GPALPP1: variants seen among roughly 807,000 people sequenced by gnomAD.
GPALPP1 encodes the protein GPALPP motifs containing 1.
A neutral mutation model predicts 38.9 loss-of-function variants in GPALPP1; 30 were observed. The observed-to-expected ratio is 0.77, with a 90% CI of 0.58 to 1.05. GPALPP1 has a LOEUF of 1.05. GPALPP1 is among the 50% of genes least tolerant of loss of function. The pLI is 0.00. For missense variants in GPALPP1, 384 were observed against 408.8 expected (o/e 0.94, Z 0.52); for synonymous variants, 120 against 139.2 (o/e 0.86, Z 0.97).
Position 45,004,380 on chromosome 13 carries a change from C to G in GPALPP1, c.164C>G (p.Ser55Cys), listed in dbSNP as rs1231720927. 6.2e-7 allele frequency: 1 copy of G among 1,607,112 alleles called. No individual in the cohort carries two copies. The highest frequency in any genetic ancestry group is 1.7e-5 in the Admixed American group (1 of 59,990). Reference sequence around the variant, plus strand: ...TCAGACAGCGATGAAGACAGTAGTTCTTTGTACGAAGAAGGAAATCAAGAA... The same window carrying G: ...TCAGACAGCGATGAAGACAGTAGTTGTTTGTACGAAGAAGGAAATCAAGAA... ...DSSDSDEDSSSLYEEGNQESE... is the reference protein window; with the variant it reads ...DSSDSDEDSSCLYEEGNQESE... The change falls in exon 2 of 8, where the codon TCT (serine) becomes TGT (cysteine). Residue 55 changes from serine (S) to cysteine (C), a missense_variant. Ser to Cys is a moderately radical substitution (Grantham distance 112, BLOSUM62 -1). Coordinates refer to ENST00000379151, the MANE Select transcript of GPALPP1 (RefSeq NM_018559.5).
chr13:45,007,265 A>G (rs984281831), intron 3 of GPALPP1, among the ~76,000 whole-genome samples: 1 of 152,212 alleles, frequency 6.6e-6, no homozygotes, highest in African/African-American at 2.4e-5. Flanking sequence ...AAGAAAACAT[A>G]TTACTTAAAT....
chr13:45,001,392 C>T lies in GPALPP1; in HGVS notation c.89-2913C>T, dbSNP rs1009189174. Among the ~76,000 whole-genome samples the T allele has an allele frequency of 1.3e-4, 20 of 152,298 alleles. No individual in the cohort carries two copies. The Middle Eastern group carries it at 0.01, about 78-fold the overall frequency. On this transcript the variant is annotated intron_variant, in intron 1 of 7. Transcript: ENST00000379151. The stretch of plus-strand genomic sequence containing the variant: ...CAGCATGAGAACGGACTTACACACC[C>T]TATACACCCTAGTATGCCCAAGTAC...
At chr13:45,009,735 T>A (rs576395651) in intron 4 of GPALPP1, among the ~76,000 whole-genome samples, 4 of 152,384 alleles carry the variant, frequency 2.6e-5, no homozygotes, top group African/African-American at 9.6e-5. Context: ...GTTAAAATTA[T>A]GAATTTCAGA....
At position 44,989,545 on chromosome 13, in the gene GPALPP1, C is replaced by G; in HGVS notation, c.-110C>G. On this transcript the variant is annotated 5_prime_UTR_variant, in exon 1 of 8. Transcript: ENST00000379151. Reference sequence around the variant, plus strand: ...GCCAACCACAGGCTTTACGTCATTTCTCGGCGCCGGGAAACCTGCCATTCT... The same window carrying G: ...GCCAACCACAGGCTTTACGTCATTTGTCGGCGCCGGGAAACCTGCCATTCT... The G allele has an allele frequency of 6.6e-7, 1 of 1,517,544 alleles. No homozygotes were observed. Among genetic ancestry groups the G allele is most frequent in the South Asian group, 1.2e-5 (1 of 86,636 alleles). 94.0% of individuals were successfully genotyped at this position (1,517,544 alleles called of 1,614,324 possible). A position where few individuals can be genotyped will look rare whatever the true frequency, so the allele number is the denominator to read the frequency against.
chr13:45,015,672 A>G (rs1593398806), intron 6 of GPALPP1, 76 bp downstream of exon 6: 2 of 976,668 alleles, frequency 2.0e-6, no homozygotes, highest in East Asian at 5.7e-5. Flanking sequence ...ATGCAAAATT[A>G]TTTAAGGGTA....
intron 4 of GPALPP1, among the ~76,000 whole-genome samples, chr13:45,010,116 T>G (rs79484776): frequency 0.042 from 6,409 of 152,244 alleles, 210 homozygotes; most frequent in Middle Eastern, 0.12. Context: ...TGGCCTCTAT[T>G]AGCACTCTGA....
chr13:45,017,963 C>A (rs1171174951), intron 6 of GPALPP1, among the ~76,000 whole-genome samples: 2 of 152,186 alleles, frequency 1.3e-5, no homozygotes, highest in African/African-American at 4.8e-5. Context: ...AAGTTCATGA[C>A]TAATTTTTAT....
chr13:45,020,283 T>C, intron 6 of GPALPP1, 47 bp from the exon 7 acceptor site: 1 of 762,286 alleles, frequency 1.3e-6, no homozygotes, highest in East Asian at 2.6e-5. Context: ...TTTTGTTTTA[T>C]CTTAATCTTA....
chr13:45,020,177 G>A (rs552556968), intron 6 of GPALPP1, among the ~76,000 whole-genome samples, 153 bp from the exon 7 acceptor site: 5 of 152,112 alleles, frequency 3.3e-5, no homozygotes, highest in Admixed American at 1.3e-4. Context: ...CACTATGCCC[G>A]GCAAAGTATG....
At chr13:45,022,484 G>T (rs1007645025) in intron 7 of GPALPP1, among the ~76,000 whole-genome samples, 1 of 151,916 alleles carries the variant, frequency 6.6e-6, no homozygotes, top group African/African-American at 2.4e-5. Context: ...TATTTAGGGG[G>T]ACATGTAGTG....
chr13:44,997,987 A>G (rs1418538689), intron 1 of GPALPP1, among the ~76,000 whole-genome samples: 1 of 152,170 alleles, frequency 6.6e-6, no homozygotes, highest in Non-Finnish European at 1.5e-5. Flanking sequence ...CTGTCCAGTA[A>G]TCCTCACAGG....
chr13:45,036,314 T>C (rs1876397344), exon 8 of GPALPP1: 1 of 152,210 alleles, frequency 6.6e-6, no homozygotes, highest in African/African-American at 2.4e-5. Flanking sequence ...CCTTTTAAAA[T>C]AGATAAGTCC....
At chr13:45,022,548 G>C (rs7995712) in intron 7 of GPALPP1, among the ~76,000 whole-genome samples, 21,072 of 152,048 alleles carry the variant, frequency 0.14, 2,245 homozygotes, top group African/African-American at 0.28. Flanking sequence ...CTAATCTGAA[G>C]CCTGAAAGCT....
intron 1 of GPALPP1, among the ~76,000 whole-genome samples, chr13:44,993,630 C>T (rs1003330954): frequency 2.6e-4 from 39 of 150,916 alleles, no homozygotes; most frequent in Admixed American, 4.0e-4. Flanking sequence ...TGCAGTGAGC[C>T]GAGATCGCGC....
intron 6 of GPALPP1, among the ~76,000 whole-genome samples, chr13:45,016,796 C>T (rs751527337): frequency 5.9e-5 from 9 of 152,166 alleles, no homozygotes; most frequent in Non-Finnish European, 1.2e-4. Context: ...ACTACAGGCA[C>T]ACAACTAATT....
At chr13:45,011,745 C>T (rs1410706248) in intron 4 of GPALPP1, among the ~76,000 whole-genome samples, 1 of 152,192 alleles carries the variant, frequency 6.6e-6, no homozygotes, top group East Asian at 1.9e-4. Context: ...CTTCAAATAG[C>T]TCTCATTATT....
chr13:44,994,023 C>A (rs116416873), intron 1 of GPALPP1, among the ~76,000 whole-genome samples: 4,823 of 150,308 alleles, frequency 0.032, 107 homozygotes, highest in East Asian at 0.12. Flanking sequence ...TTCTTGAACC[C>A]ATGAGTTCAA....
At position 45,006,248 on chromosome 13, in the gene GPALPP1, T is replaced by G. The variant is rs1874096443; in HGVS notation, c.268T>G (p.Phe90Val). Residue 90 changes from phenylalanine to valine, a missense_variant, in exon 3 of 8, where the codon TTT (phenylalanine) becomes GTT (valine). Transcript: ENST00000379151. ...TGATGACGATGATGATGATGATGGGTTTTTTGGACCAGCCCTTCCTCCTGG... is the reference window on the plus strand; with the variant it reads ...TGATGACGATGATGATGATGATGGGGTTTTTGGACCAGCCCTTCCTCCTGG... Reference protein sequence around the residue: ...QDDDDDDDDGFFGPALPPGFK... With the variant: ...QDDDDDDDDGVFGPALPPGFK... The G allele has an allele frequency of 6.2e-7, 1 of 1,608,988 alleles. No homozygotes were observed. The highest frequency in any genetic ancestry group is 1.3e-5 in the African/African-American group (1 of 74,834).
chr13:45,012,083 T>C (rs1874520795), intron 4 of GPALPP1, among the ~76,000 whole-genome samples: 1 of 152,210 alleles, frequency 6.6e-6, no homozygotes, highest in East Asian at 1.9e-4. Flanking sequence ...ACAGTCGTTT[T>C]AGAGAACCCA....
Sources: gnomAD v4.1 joint callset for allele counts (sites outside exome capture counted in the v4.1 genomes callset) on GRCh38, gnomAD v4.1.1 for gene constraint, MANE v1.5 for transcripts, NCBI Gene and HGNC (gene_info 2026-07-23, HGNC 2026-07-21) for gene names.